STK32B: variants seen among roughly 807,000 people sequenced by gnomAD.
The protein encoded by STK32B is serine/threonine kinase 32B.
Under a neutral mutation model 52.6 loss-of-function variants are expected in STK32B, and 43 were observed. That is an observed-to-expected ratio of 0.82 (90% confidence interval 0.64 to 1.05). The LOEUF is 1.05. STK32B is among the 50% of genes least tolerant of loss of function. STK32B has a pLI of 0.00. For missense variants in STK32B, 621 were observed against 534.6 expected, an observed-to-expected ratio of 1.16 and a Z score of -1.59; for synonymous variants, 238 against 204.3, an observed-to-expected ratio of 1.17 and a Z score of -1.41.
Position 5,460,283 on chromosome 4 carries a change from G to T in STK32B, c.909+55G>T, listed in dbSNP as rs751104414. The T allele has an allele frequency of 1.3e-6, 2 of 1,557,624 alleles. No individual in the cohort carries two copies. Among genetic ancestry groups the T allele is most frequent in the Non-Finnish European group, 1.7e-6 (2 of 1,152,324 alleles). On this transcript the variant is annotated intron_variant, in intron 9 of 11. Coordinates refer to ENST00000282908, the MANE Select transcript of STK32B (RefSeq NM_018401.3). This position sits in a 1 kb window ranked among gnomAD's most constrained non-coding sequence, Gnocchi z 4.8. ...CACCCCTCTGCAGGGTCCCCGCCTT[G>T]GTGCAAAGCAAGACTTTGGCAGCTG...
intron 4 of STK32B, among the ~76,000 whole-genome samples, chr4:5,389,841 C>G (rs993869352): frequency 1.2e-4 from 18 of 152,234 alleles, no homozygotes; most frequent in Non-Finnish European, 2.9e-5. Flanking sequence ...TGGGAAGAGT[C>G]TCCTGGATTA....
intron 2 of STK32B, among the ~76,000 whole-genome samples, chr4:5,167,343 G>C (rs948928092): frequency 2.6e-5 from 4 of 152,190 alleles, no homozygotes; most frequent in Non-Finnish European, 2.9e-5. Flanking sequence ...TTATCCATAA[G>C]GTTCTTATAG....
intron 4 of STK32B, among the ~76,000 whole-genome samples, chr4:5,350,245 A>G (rs1263323741): frequency 1.3e-5 from 2 of 152,226 alleles, no homozygotes; most frequent in Non-Finnish European, 2.9e-5. Flanking sequence ...AGGACTTCCC[A>G]TCAGGTTAAT....
At chr4:5,427,751 T>C (rs1713221888) in intron 6 of STK32B, among the ~76,000 whole-genome samples, 1 of 152,178 alleles carries the variant, frequency 6.6e-6, no homozygotes, top group Non-Finnish European at 1.5e-5. Context: ...TGATGTCCCC[T>C]CTTTCAGTCC....
At position 5,069,409 on chromosome 4, in the gene STK32B, G is replaced by C. The variant is rs1006553933; in HGVS notation, c.52+17494G>C. Among the ~76,000 whole-genome samples the C allele has an allele frequency of 4.6e-5, 7 of 152,228 alleles. 1 individual carries two copies. Among genetic ancestry groups the C allele is most frequent in the Admixed American group, 4.6e-4 (7 of 15,284 alleles). ...ACGTTCCACCTTCCAGCCCAGCTTA[G>C]AGATAGGCTATGGGCCTTGTGCTTA... On this transcript the variant is annotated intron_variant, in intron 1 of 11. Coordinates refer to ENST00000282908, the MANE Select transcript of STK32B (RefSeq NM_018401.3).
At chr4:5,091,311 G>GT (rs1250631801) in intron 1 of STK32B, among the ~76,000 whole-genome samples, 1 of 152,132 alleles carries the variant, frequency 6.6e-6, no homozygotes, top group African/African-American at 2.4e-5. Flanking sequence ...AATGGGAGAA[G>GT]TGATGTAAAA....
intron 11 of STK32B, among the ~76,000 whole-genome samples, chr4:5,490,095 G>A (rs1188502771): frequency 6.8e-6 from 1 of 146,552 alleles, no homozygotes; most frequent in East Asian, 2.0e-4. Flanking sequence ...AGATCTTTTT[G>A]TTGTTTTAAG....
chr4:5,459,249 C>G (rs1242770258), intron 8 of STK32B, among the ~76,000 whole-genome samples: 1 of 150,746 alleles, frequency 6.6e-6, no homozygotes, highest in Non-Finnish European at 1.5e-5. Flanking sequence ...GCAGGGGGCT[C>G]TGACTTCCAG....
rs546245775 is a variant in STK32B, at chr4:5,149,201, A to G, written c.108+9241A>G. Among the ~76,000 whole-genome samples, 4 of 151,742 alleles carry G rather than the reference A, an allele frequency of 2.6e-5. 1 individual carries two copies. The highest frequency in any genetic ancestry group is 4.1e-4 in the South Asian group (2 of 4,820). On this transcript the variant is annotated intron_variant, in intron 2 of 11. Transcript: ENST00000282908. ...CTGTTTCCATGACATATGTTTTTCTATGCATTTATTTTCATTCTTTGTTTT... is the reference window on the plus strand; with the variant it reads ...CTGTTTCCATGACATATGTTTTTCTGTGCATTTATTTTCATTCTTTGTTTT...
chr4:5,466,571 G>C, intron 9 of STK32B, 132 bp from the exon 10 acceptor site: 1 of 1,207,102 alleles, frequency 8.3e-7, no homozygotes. Flanking sequence ...AGAAACAAAG[G>C]TAACCCGTGT....
intron 1 of STK32B, among the ~76,000 whole-genome samples, chr4:5,105,429 T>C (rs1311521662): frequency 6.6e-6 from 1 of 152,248 alleles, no homozygotes; most frequent in Non-Finnish European, 1.5e-5. Flanking sequence ...TTCTAATTTT[T>C]CTATTGAGTT....
chr4:5,176,732 C>G (rs1719934405), intron 3 of STK32B, among the ~76,000 whole-genome samples: 1 of 152,206 alleles, frequency 6.6e-6, no homozygotes, highest in African/African-American at 2.4e-5. Flanking sequence ...GCATGAGTCA[C>G]TGTGCCCAGC....
chr4:5,259,591 A>T (rs910301452), intron 3 of STK32B, among the ~76,000 whole-genome samples: 2 of 152,254 alleles, frequency 1.3e-5, no homozygotes, highest in African/African-American at 4.8e-5. Flanking sequence ...GTTAACATTT[A>T]TGAAGCACTC....
chr4:5,247,111 G>T (rs1212324244), intron 3 of STK32B, among the ~76,000 whole-genome samples: 8 of 152,208 alleles, frequency 5.3e-5, no homozygotes, highest in Non-Finnish European at 1.2e-4. Flanking sequence ...GTCAGACAGG[G>T]ACATTTAAGA....
chr4:5,331,870 A>G (rs1732273333), intron 4 of STK32B, among the ~76,000 whole-genome samples: 1 of 152,198 alleles, frequency 6.6e-6, no homozygotes, highest in Non-Finnish European at 1.5e-5. Context: ...TAGCCTCCTC[A>G]GGGACCTTAC....
chr4:5,400,784 G>A lies in STK32B; in HGVS notation c.472+2540G>A, dbSNP rs535064612. On this transcript the variant is annotated intron_variant, in intron 5 of 11. Coordinates refer to ENST00000282908, the MANE Select transcript of STK32B (RefSeq NM_018401.3). This position sits in a 1 kb window ranked among gnomAD's most constrained non-coding sequence, Gnocchi z 6.1. ...GCTTTTTGAGCAGAGCCTGAAGCTG[G>A]CCATTCTTGCCTTTGTCTTTCCCTC... Among the ~76,000 whole-genome samples, 1 of 152,282 alleles carries A rather than the reference G, an allele frequency of 6.6e-6. No homozygotes were observed. Among genetic ancestry groups the A allele is most frequent in the South Asian group, 2.1e-4 (1 of 4,826 alleles).
chr4:5,459,354 C>G (rs763206766), intron 8 of STK32B, among the ~76,000 whole-genome samples: 17 of 147,016 alleles, frequency 1.2e-4, no homozygotes, highest in Non-Finnish European at 1.6e-4. Flanking sequence ...CTACCATGAG[C>G]TGGAAGTGGA....
At chr4:5,314,557 C>T (rs1240536563) in intron 3 of STK32B, among the ~76,000 whole-genome samples, 1 of 152,148 alleles carries the variant, frequency 6.6e-6, no homozygotes, top group East Asian at 1.9e-4. Context: ...GTAATGCCAG[C>T]TACTCGGGAG....
intron 3 of STK32B, among the ~76,000 whole-genome samples, chr4:5,257,383 G>T (rs75809474): frequency 0.12 from 17,794 of 152,134 alleles, 2,850 homozygotes; most frequent in African/African-American, 0.36. Context: ...GAGTGAATGA[G>T]TGAGTGAATG....
Sources: allele counts gnomAD v4.1 joint callset (sites outside exome capture counted in the v4.1 genomes callset), GRCh38; gene constraint gnomAD v4.1.1; non-coding constraint Gnocchi (gnomAD v3.1); transcripts MANE v1.5; gene names NCBI Gene and HGNC (gene_info 2026-07-23, HGNC 2026-07-21).